DNAH5: variants seen among roughly 807,000 people sequenced by gnomAD.
DNAH5 encodes the protein dynein axonemal heavy chain 5.
A neutral mutation model predicts 518.2 loss-of-function variants in DNAH5; 372 were observed. That is an observed-to-expected ratio of 0.72 (90% CI 0.66 to 0.78). The LOEUF (loss-of-function observed/expected upper bound fraction) is 0.78. Among genes scored for constraint, DNAH5 ranks in the 30% least tolerant of loss-of-function variants. The probability of loss-of-function intolerance (pLI) is 0.00; values close to 1 mark genes in which losing one functional copy is unlikely to be tolerated. For synonymous variants in DNAH5, 2,039 were observed against 2,025.9 expected, an observed-to-expected ratio of 1.01 and a Z score of -0.17; for missense variants, 5,523 against 5,687.0, an observed-to-expected ratio of 0.97 and a Z score of 0.93.
chr5:13,898,669 T>C (rs1180773832), intron 15 of DNAH5: 6 of 398,426 alleles, frequency 1.5e-5, no homozygotes, highest in African/African-American at 4.1e-5. Flanking sequence ...CCTACTTACC[T>C]AACGTAGTGG....
intron 1 of DNAH5, among the ~76,000 whole-genome samples, chr5:13,939,978 T>C (rs961156059): frequency 1.3e-5 from 2 of 152,226 alleles, no homozygotes; most frequent in African/African-American, 2.4e-5. Flanking sequence ...CATTTTCTTC[T>C]GTCCAGGGAT....
Position 13,735,234 on chromosome 5 carries a change from C to T in DNAH5, c.11658G>A (p.Gly3886=). The T allele has an allele frequency of 1.2e-6, 2 of 1,614,074 alleles. No homozygotes were observed. The highest frequency in any genetic ancestry group is 2.2e-5 in the East Asian group (1 of 44,856). ...ACAGGAATTTGTGCTCCTCGTACAG[C>T]CCTCGGGCAGCATACTTATAAACCT... ...TYEVYKYAAR[G]LYEEHKFLFT... The change falls in exon 68 of 79, where the codon GGG becomes GGA. Residue 3886 remains glycine, a synonymous_variant. Transcript: ENST00000265104.
rs55717024 is a variant in DNAH5 at position 13,842,508 on chromosome 5, A to G, written c.5272-604T>C. ...GAGAAAGAAAAGAAAGAAAGAAAGA[A>G]AAAGAAAGAAATCAATTCCAAATAA... is the stretch of plus-strand genomic sequence containing the variant. On this transcript the variant is annotated intron_variant, in intron 32 of 78. Transcript: ENST00000265104. 1.0e-3 allele frequency among the ~76,000 whole-genome samples: 88 copies of G among 87,806 alleles called. 9 individuals are homozygous for G. Among genetic ancestry groups the G allele is most frequent in the African/African-American group, 3.7e-3 (80 of 21,452 alleles). The allele number at this position is 87,806 out of a possible 152,430, so 57.6% of individuals were successfully genotyped here.
At chr5:13,861,642 T>G (rs1404729173) in intron 29 of DNAH5, among the ~76,000 whole-genome samples, 1 of 152,214 alleles carries the variant, frequency 6.6e-6, no homozygotes. Context: ...GTGGCCACTA[T>G]GCATTATATA....
At chr5:13,738,986 C>T (rs565083005) in intron 65 of DNAH5, among the ~76,000 whole-genome samples, 80 of 152,118 alleles carry the variant, frequency 5.3e-4, no homozygotes, top group Non-Finnish European at 8.7e-4. Flanking sequence ...AAGTAAAATA[C>T]GGGGAAACCA....
At chr5:13,713,446 T>C (rs920129621) in intron 75 of DNAH5, among the ~76,000 whole-genome samples, 3 of 126,084 alleles carry the variant, frequency 2.4e-5, no homozygotes, top group Non-Finnish European at 3.2e-5. Flanking sequence ...TATATATATA[T>C]ATATATATAT....
rs752941536 is a variant in DNAH5 at position 13,870,989 on chromosome 5, G to A, written c.3612C>T (p.Phe1204=). ...AGGCCTTTGTCTCAGCAGTCAGGGC[G>A]AACTTCAAGTCAGCTGTAAAAACCC... ...SIALYTADLK[F]ALTAETKAWM... Residue 1204 remains phenylalanine (F), a synonymous_variant, in exon 24 of 79, where the codon TTC becomes TTT. Coordinates refer to ENST00000265104, the MANE Select transcript of DNAH5 (RefSeq NM_001369.3). The A allele has an allele frequency of 1.6e-5, 26 of 1,613,158 alleles. No individual in the cohort carries two copies. The highest frequency in any genetic ancestry group is 1.3e-4 in the South Asian group (12 of 90,988).
chr5:13,721,788 T>C (rs1336749748), intron 70 of DNAH5, among the ~76,000 whole-genome samples: 2 of 152,188 alleles, frequency 1.3e-5, no homozygotes, highest in Admixed American at 6.5e-5. Context: ...CTCATCCCTT[T>C]ACTGTTAATT....
intron 1 of DNAH5, among the ~76,000 whole-genome samples, chr5:14,001,611 C>A (rs1784356900): frequency 6.6e-6 from 1 of 152,024 alleles, no homozygotes; most frequent in African/African-American, 2.4e-5. Context: ...GATCTGCCCG[C>A]CTCAGCCTCC....
intron 12 of DNAH5, among the ~76,000 whole-genome samples, chr5:13,907,606 A>G (rs1775480909): frequency 6.6e-6 from 1 of 152,206 alleles, no homozygotes; most frequent in African/African-American, 2.4e-5. Flanking sequence ...ATGTTTTCCA[A>G]AATGGTCTTT....
At chr5:14,002,168 AT>A (rs35922755) in intron 1 of DNAH5, among the ~76,000 whole-genome samples, 108,677 of 151,780 alleles carry the variant, frequency 0.72, 39,128 homozygotes, top group South Asian at 0.8. Context: ...AAGTGCTGGG[AT>A]TACAGGTTTG....
In DNAH5 at chr5:13,890,991, A is replaced by AC; in HGVS notation, c.2561_2562insG (p.Phe854LeufsTer19). 1 of 1,614,158 alleles carries AC rather than the reference A, an allele frequency of 6.2e-7. No individual in the cohort carries two copies. The highest frequency in any genetic ancestry group is 8.5e-7 in the Non-Finnish European group (1 of 1,179,994). ...TTTTAATGACCTTTGTCATTTGGAG[A>AC]AACTCTTCACAGGTTAGTGGCTCCT... On this transcript the variant is annotated frameshift_variant, in exon 17 of 79. Coordinates refer to ENST00000265104, the MANE Select transcript of DNAH5 (RefSeq NM_001369.3). LOFTEE classifies it high-confidence loss of function.
chr5:13,790,535 C>T (rs1262084646), intron 50 of DNAH5, among the ~76,000 whole-genome samples: 1 of 152,140 alleles, frequency 6.6e-6, no homozygotes, highest in Non-Finnish European at 1.5e-5. Context: ...AAGGGAGAGA[C>T]CACAAGGAGG....
intron 30 of DNAH5, among the ~76,000 whole-genome samples, chr5:13,852,749 G>A (rs1004828008): frequency 1.6e-4 from 25 of 152,200 alleles, no homozygotes; most frequent in South Asian, 6.2e-4. Context: ...TAACAAAGCC[G>A]CAAAGAAGTT....
rs762509522 is a variant in DNAH5 at position 13,944,444 on chromosome 5, C to T, written c.-6G>A. 2 of 1,612,776 alleles carry T rather than the reference C, an allele frequency of 1.2e-6. No individual in the cohort carries two copies. The highest frequency in any genetic ancestry group is 1.7e-5 in the Admixed American group (1 of 59,976). On this transcript the variant is annotated 5_prime_UTR_variant, in exon 1 of 79. Transcript: ENST00000265104. ...CTCCTCCCAATCCTAAACATTGTAG[C>T]CGTGCATGGACAGGCTGGAGTCAGC...
At position 13,713,124 on chromosome 5, in the gene DNAH5, T is replaced by TATATATATATATACAC. The variant is rs1554018603; in HGVS notation, c.13125+1280_13125+1281insGTGTATATATATATAT. Among the ~76,000 whole-genome samples the TATATATATATATACAC allele has an allele frequency of 7.5e-5, 11 of 146,618 alleles. 1 individual carries two copies. The highest frequency in any genetic ancestry group is 2.5e-4 in the African/African-American group (10 of 39,278). ...GTGTGTGTGTATATATATATATATA[T>TATATATATATATACAC]ACACACACACTGACATATATATACC... On this transcript the variant is annotated intron_variant, in intron 75 of 78. Coordinates refer to ENST00000265104, the MANE Select transcript of DNAH5 (RefSeq NM_001369.3).
chr5:14,003,647 C>T (rs1784511681), intron 1 of DNAH5, among the ~76,000 whole-genome samples: 1 of 152,226 alleles, frequency 6.6e-6, no homozygotes, highest in Non-Finnish European at 1.5e-5. Flanking sequence ...GGGGTCTCCA[C>T]TTCTCAATGC....
intron 69 of DNAH5, 100 bp from the exon 70 acceptor site, chr5:13,727,756 T>A: frequency 7.8e-7 from 1 of 1,275,012 alleles, no homozygotes; most frequent in South Asian, 1.3e-5. Context: ...TCTCCAGATA[T>A]GTGTAAATTA....
rs374318289 is a variant in DNAH5, at chr5:13,813,457, GA to G, written c.7230+1147del. ...AAAAAAAATGTTGTGGCACTTAAAA[GA>G]AAAAAAAAAAAAAAACAATCCTGAG... On this transcript the variant is annotated intron_variant, in intron 43 of 78. Transcript: ENST00000265104. Among the ~76,000 whole-genome samples the G allele has an allele frequency of 1.9e-3, 256 of 136,750 alleles. 3 individuals are homozygous for G. The highest frequency in any genetic ancestry group is 5.5e-3 in the African/African-American group (204 of 36,932). The allele number at this position is 136,750 out of a possible 152,430, so 89.7% of individuals were successfully genotyped here. A position where few individuals can be genotyped will look rare whatever the true frequency, so the allele number is the denominator to read the frequency against.
Sources: gnomAD v4.1 joint callset for allele counts (sites outside exome capture counted in the v4.1 genomes callset) on GRCh38, gnomAD v4.1.1 for gene constraint, MANE v1.5 for transcripts, NCBI Gene and HGNC (gene_info 2026-07-23, HGNC 2026-07-21) for gene names.